Variants in PKNOX2 observed in about 807,000 individuals in gnomAD.
The protein encoded by PKNOX2 is homeobox protein PKNOX2.
In PKNOX2, 14 loss-of-function variants were observed where a neutral mutation model predicts 53.1. The ratio of observed to expected loss-of-function variants is 0.26; its 90% CI spans 0.17 to 0.41. The LOEUF (loss-of-function observed/expected upper bound fraction) is 0.41. Among genes scored for constraint, PKNOX2 ranks in the 10% least tolerant of loss-of-function variants. PKNOX2 has a pLI of 1.00. For synonymous variants in PKNOX2, 257 were observed against 242.8 expected (o/e 1.06, Z -0.54); for missense variants, 496 against 602.8 (o/e 0.82, Z 1.85).
intron 10 of PKNOX2, among the ~76,000 whole-genome samples, chr11:125,426,939 A>T (rs1956459655): frequency 6.6e-6 from 1 of 152,246 alleles, no homozygotes; most frequent in Non-Finnish European, 1.5e-5. Flanking sequence ...ACAGAAGCTC[A>T]GAAAGGCACG....
At chr11:125,349,877 A>ACACACACACACG (rs1555160517) in intron 3 of PKNOX2, among the ~76,000 whole-genome samples, 3 of 149,602 alleles carry the variant, frequency 2.0e-5, no homozygotes, top group African/African-American at 5.0e-5. Context: ...ACACACACAC[A>ACACACACACACG]GCCCTGGAGG....
chr11:125,247,383 C>G (rs1009606008), intron 2 of PKNOX2, among the ~76,000 whole-genome samples: 10 of 152,128 alleles, frequency 6.6e-5, no homozygotes, highest in African/African-American at 2.4e-4. Flanking sequence ...TCTTCCTCAC[C>G]CTGGGTTTCT....
intron 1 of PKNOX2, among the ~76,000 whole-genome samples, chr11:125,178,907 G>A (rs1383155309): frequency 6.6e-6 from 1 of 152,240 alleles, no homozygotes; most frequent in South Asian, 2.1e-4. Context: ...AGTTGGTACA[G>A]TAATTCTCAA....
At chr11:125,280,166 A>G (rs1161442203) in intron 2 of PKNOX2, among the ~76,000 whole-genome samples, 8 of 139,896 alleles carry the variant, frequency 5.7e-5, no homozygotes, top group African/African-American at 1.1e-4. Context: ...CTCTGTTTTT[A>G]CTTGGCTTTA....
At chr11:125,381,523 C>A (rs1305809065) in intron 5 of PKNOX2, among the ~76,000 whole-genome samples, 1 of 152,098 alleles carries the variant, frequency 6.6e-6, no homozygotes, top group Non-Finnish European at 1.5e-5. Flanking sequence ...AGATATGCCC[C>A]CACATACATA....
intron 1 of PKNOX2, among the ~76,000 whole-genome samples, chr11:125,230,630 G>A (rs1441924016): frequency 3.3e-5 from 5 of 152,170 alleles, no homozygotes; most frequent in Non-Finnish European, 7.3e-5. Context: ...TCACAATTTG[G>A]TCCTCATCCC....
chr11:125,318,807 T>G (rs1413672419), intron 2 of PKNOX2, among the ~76,000 whole-genome samples: 1 of 152,184 alleles, frequency 6.6e-6, no homozygotes, highest in Non-Finnish European at 1.5e-5. Flanking sequence ...ATGAGTGAGT[T>G]TCCCCCATGC....
chr11:125,301,478 G>A (rs11220015), intron 2 of PKNOX2, among the ~76,000 whole-genome samples: 34,136 of 151,454 alleles, frequency 0.23, 4,279 homozygotes, highest in East Asian at 0.39. Context: ...ATATTTTTCC[G>A]TGGTGCAGAC....
intron 1 of PKNOX2, among the ~76,000 whole-genome samples, chr11:125,231,374 C>T (rs1275391299): frequency 1.3e-5 from 2 of 152,250 alleles, no homozygotes; most frequent in Non-Finnish European, 2.9e-5. Context: ...CCATTCAACT[C>T]CCTCCTCATT....
At chr11:125,356,237 C>A (rs1297248701) in intron 4 of PKNOX2, among the ~76,000 whole-genome samples, 2 of 152,196 alleles carry the variant, frequency 1.3e-5, no homozygotes, top group Non-Finnish European at 2.9e-5. Context: ...AGATCCTAGT[C>A]TGACCTACTA....
At chr11:125,312,758 A>T (rs561019316) in intron 2 of PKNOX2, among the ~76,000 whole-genome samples, 1 of 152,156 alleles carries the variant, frequency 6.6e-6, no homozygotes, top group Non-Finnish European at 1.5e-5. Flanking sequence ...AGCACCATAC[A>T]GGTGTGCTCA....
intron 1 of PKNOX2, among the ~76,000 whole-genome samples, chr11:125,229,104 C>A (rs575599001): frequency 6.6e-6 from 1 of 152,122 alleles, no homozygotes; most frequent in Admixed American, 6.5e-5. Context: ...CATGTGGGAG[C>A]GGTGTTGGCA....
rs541781891 is a variant in PKNOX2 at position 125,211,865 on chromosome 11, C to T, written c.-200-23180C>T. Among the ~76,000 whole-genome samples, 14 of 152,198 alleles carry T rather than the reference C, an allele frequency of 9.2e-5. No individual in the cohort carries two copies. The South Asian group carries it at 2.7e-3, about 29-fold the overall frequency. On this transcript the variant is annotated intron_variant, in intron 1 of 12. Transcript: ENST00000298282. The stretch of plus-strand genomic sequence containing the variant: ...GTATTGAGGGTCAGATTGCAGATGA[C>T]AATGATGTAAACAGGCTGCCCTGCC...
intron 1 of PKNOX2, among the ~76,000 whole-genome samples, chr11:125,215,745 C>G (rs755325715): frequency 2.2e-4 from 34 of 152,170 alleles, no homozygotes; most frequent in Non-Finnish European, 4.0e-4. Context: ...GAGCGAGACT[C>G]TGTCTCAAAA....
Position 125,207,494 on chromosome 11 carries a change from G to A in PKNOX2, c.-200-27551G>A, listed in dbSNP as rs113539370. 5.9e-3 allele frequency among the ~76,000 whole-genome samples: 901 copies of A among 152,156 alleles called. 14 individuals are homozygous for A. Among genetic ancestry groups the A allele is most frequent in the African/African-American group, 0.021 (875 of 41,496 alleles). ...GAAAACTGTGTTTAAAACATGATGC[G>A]AGAGAAACCACAAGAGACACAGAGA... On this transcript the variant is annotated intron_variant, in intron 1 of 12. Transcript: ENST00000298282.
At chr11:125,241,202 C>T (rs1269749323) in intron 2 of PKNOX2, among the ~76,000 whole-genome samples, 1 of 152,178 alleles carries the variant, frequency 6.6e-6, no homozygotes, top group Non-Finnish European at 1.5e-5. Context: ...TAAATACAGA[C>T]ACTCAGATAC....
intron 1 of PKNOX2, among the ~76,000 whole-genome samples, chr11:125,179,837 G>A (rs1010270452): frequency 6.6e-6 from 1 of 152,220 alleles, no homozygotes; most frequent in Non-Finnish European, 1.5e-5. Context: ...CCATGATGGT[G>A]GGGGTGGAGG....
chr11:125,422,015 G>T lies in PKNOX2; in HGVS notation c.937-6997G>T. Reference sequence around the variant, plus strand: ...TTTGGTTGGAGAAGCTGGCATTTGGGCTGGGCCTTATGAAGGATGGCTAGG... The same window carrying T: ...TTTGGTTGGAGAAGCTGGCATTTGGTCTGGGCCTTATGAAGGATGGCTAGG... On this transcript the variant is annotated intron_variant, in intron 10 of 12. Coordinates refer to ENST00000298282, the MANE Select transcript of PKNOX2 (RefSeq NM_001382323.2). The surrounding 1 kb of genome is among the most constrained non-coding windows in gnomAD (Gnocchi z 4.1). 6.6e-6 allele frequency among the ~76,000 whole-genome samples: 1 copy of T among 152,186 alleles called. No homozygotes were observed. The highest frequency in any genetic ancestry group is 2.4e-5 in the African/African-American group (1 of 41,452).
intron 7 of PKNOX2, among the ~76,000 whole-genome samples, chr11:125,401,884 G>A (rs1399215588): frequency 6.6e-6 from 1 of 152,156 alleles, no homozygotes; most frequent in African/African-American, 2.4e-5. Context: ...GCCTGGGGAG[G>A]GGTGTCTCCC....
Sources: allele counts gnomAD v4.1 joint callset (sites outside exome capture counted in the v4.1 genomes callset), GRCh38; gene constraint gnomAD v4.1.1; non-coding constraint Gnocchi (gnomAD v3.1); transcripts MANE v1.5; gene names NCBI Gene and HGNC (gene_info 2026-07-23, HGNC 2026-07-21).